The following COMMD7 variants were observed in gnomAD, a reference collection of about 807,000 sequenced individuals.
COMMD7 encodes the protein COMM domain containing 7, also known as COMM domain-containing protein 7.
Under a neutral mutation model 34.8 loss-of-function variants are expected in COMMD7, and 28 were observed. The ratio of observed to expected loss-of-function variants is 0.80; its 90% CI spans 0.60 to 1.10. The LOEUF is 1.10. Ranked by LOEUF, COMMD7 falls within the 50% of genes least tolerant of loss-of-function variation. The probability of loss-of-function intolerance (pLI) is 0.00; values close to 1 mark genes in which losing one functional copy is unlikely to be tolerated. For synonymous variants in COMMD7, 80 were observed against 86.4 expected (o/e 0.93, Z 0.41); for missense variants, 211 against 241.6 (o/e 0.87, Z 0.84).
intron 3 of COMMD7, among the ~76,000 whole-genome samples, chr20:32,709,934 G>A (rs1984335718): frequency 1.3e-5 from 2 of 150,776 alleles, no homozygotes; most frequent in Admixed American, 6.6e-5. Context: ...GCTGGAGTGC[G>A]GTGGTGTAAT....
intron 1 of COMMD7, among the ~76,000 whole-genome samples, chr20:32,736,497 C>A (rs6058848): frequency 2.3e-3 from 346 of 151,898 alleles, no homozygotes; most frequent in African/African-American, 7.7e-3. Flanking sequence ...GGTGAAACCC[C>A]GTCTCTACTA....
intron 3 of COMMD7, among the ~76,000 whole-genome samples, chr20:32,714,648 A>AC (rs1984663325): frequency 6.8e-6 from 1 of 147,236 alleles, no homozygotes; most frequent in African/African-American, 2.5e-5. Context: ...ATACGGTGAA[A>AC]CCTCGTCTCT....
At chr20:32,704,581 T>G in intron 6 of COMMD7, 92 bp from the exon 7 acceptor site, 1 of 1,391,702 alleles carries the variant, frequency 7.2e-7, no homozygotes, top group Non-Finnish European at 9.9e-7. Context: ...TTTGCAGCTG[T>G]CCAGCAGAAG....
At chr20:32,707,006 G>C (rs1482341720) in intron 3 of COMMD7, among the ~76,000 whole-genome samples, 1 of 151,212 alleles carries the variant, frequency 6.6e-6, no homozygotes, top group East Asian at 2.0e-4. Context: ...GGGCACGGTA[G>C]CTCAAGCCTG....
chr20:32,714,296 T>C (rs964498260), intron 3 of COMMD7, among the ~76,000 whole-genome samples: 1 of 152,060 alleles, frequency 6.6e-6, no homozygotes, highest in Admixed American at 6.6e-5. Context: ...AAAGAACTCG[T>C]TGGGGAGTGG....
chr20:32,735,181 TGA>T lies in COMMD7; in HGVS notation c.85-7041_85-7040del, dbSNP rs537897502. On this transcript the variant is annotated intron_variant, in intron 1 of 8. Coordinates refer to ENST00000278980, the MANE Select transcript of COMMD7 (RefSeq NM_053041.3). ...TGAACCCGGGAGGCAGAGGTTGCAGTGAGCCAAGATTGCGCCATTGCACTCCA... is the reference window on the plus strand; with the variant it reads ...TGAACCCGGGAGGCAGAGGTTGCAGTGCCAAGATTGCGCCATTGCACTCCA... 2.5e-3 allele frequency among the ~76,000 whole-genome samples: 380 copies of T among 150,602 alleles called. 3 individuals are homozygous for T. The highest frequency in any genetic ancestry group is 8.7e-3 in the African/African-American group (359 of 41,062).
chr20:32,737,512 T>TA (rs1227065911), intron 1 of COMMD7, among the ~76,000 whole-genome samples: 6 of 151,362 alleles, frequency 4.0e-5, no homozygotes, highest in Middle Eastern at 3.4e-3. Context: ...GTCTCAAATT[T>TA]AAAAAAACGA....
At chr20:32,741,572 G>A (rs1230917927) in intron 1 of COMMD7, among the ~76,000 whole-genome samples, 4 of 152,080 alleles carry the variant, frequency 2.6e-5, no homozygotes, top group African/African-American at 7.2e-5. Context: ...TGTATTTTTA[G>A]TAGAGACAGG....
intron 1 of COMMD7, 82 bp downstream of exon 1, chr20:32,743,226 A>AC: frequency 6.1e-6 from 4 of 653,790 alleles, no homozygotes; most frequent in Admixed American, 3.2e-5. Flanking sequence ...ACTCCCGCGC[A>AC]CCCCCGGACG....
At chr20:32,709,068 C>A (rs1984266668) in intron 3 of COMMD7, among the ~76,000 whole-genome samples, 1 of 152,158 alleles carries the variant, frequency 6.6e-6, no homozygotes, top group Non-Finnish European at 1.5e-5. Context: ...AGAATTCACC[C>A]AACCAAGCTG....
chr20:32,704,201 C>G, intron 7 of COMMD7, 130 bp from the exon 8 acceptor site: 1 of 840,822 alleles, frequency 1.2e-6, no homozygotes, highest in Non-Finnish European at 1.8e-6. Flanking sequence ...CATCCACCAC[C>G]GAAAATTCTA....
chr20:32,717,483 G>A (rs971104848), intron 3 of COMMD7, among the ~76,000 whole-genome samples: 8 of 151,942 alleles, frequency 5.3e-5, no homozygotes, highest in African/African-American at 1.7e-4. Context: ...GTGCCACCAC[G>A]CCCAGTTCAT....
At position 32,743,151 on chromosome 20, in the gene COMMD7, T is replaced by A. The variant is rs1225665625; in HGVS notation, c.84+157A>T. Among the ~76,000 whole-genome samples the A allele has an allele frequency of 2.0e-5, 3 of 151,732 alleles. No homozygotes were observed. In the East Asian group the frequency reaches 5.8e-4, roughly 30 times the overall value. On this transcript the variant is annotated intron_variant, in intron 1 of 8. Transcript: ENST00000278980. Reference sequence around the variant, plus strand: ...CCTCAGACCCCAGCTCACCTTAGCCTCGCCCCGAACCCACCTCACACACCC... The same window carrying A: ...CCTCAGACCCCAGCTCACCTTAGCCACGCCCCGAACCCACCTCACACACCC...
At chr20:32,718,564 C>T (rs1208959291) in intron 3 of COMMD7, among the ~76,000 whole-genome samples, 1 of 151,346 alleles carries the variant, frequency 6.6e-6, no homozygotes, top group East Asian at 2.0e-4. Flanking sequence ...CTGGGCGTGA[C>T]GGCATGGGCC....
In COMMD7 at chr20:32,703,392, C is replaced by G; in HGVS notation, c.593G>C (p.Cys198Ser). 4.3e-6 allele frequency: 7 copies of G among 1,613,942 alleles called. No homozygotes were observed. Among genetic ancestry groups the G allele is most frequent in the African/African-American group, 1.3e-5 (1 of 75,018 alleles). Residue 198 changes from cysteine (C) to serine (S), a missense_variant, in exon 9 of 9, where the codon TGT (cysteine) becomes TCT (serine). Physicochemically the swap from Cys to Ser is moderately radical, Grantham distance 112. Coordinates refer to ENST00000278980, the MANE Select transcript of COMMD7 (RefSeq NM_053041.3). Reference sequence around the variant, plus strand: ...ATGCAGGGACAGAAATCAGCAGAAACACTCCATGCTGGTTCTGACTCGCTC... The same window carrying G: ...ATGCAGGGACAGAAATCAGCAGAAAGACTCCATGCTGGTTCTGACTCGCTC... ...EMERVRTSME[C>S]FC
chr20:32,728,118 G>A lies in COMMD7; in HGVS notation c.109C>T (p.Leu37Phe). 1 of 1,614,104 alleles carries A rather than the reference G, an allele frequency of 6.2e-7. No individual in the cohort carries two copies. Among genetic ancestry groups the A allele is most frequent in the Non-Finnish European group, 8.5e-7 (1 of 1,180,038 alleles). ...AQQFSALTEV[L>F]FHFLTEPKEV... ...TTTGGCTCAGTTAGGAAGTGGAAAA[G>A]CACCTCTGTCAGGGCTGAGAACTGC... Residue 37 changes from leucine to phenylalanine, a missense_variant, in exon 2 of 9, where the codon CTT (leucine) becomes TTT (phenylalanine). Leu to Phe is a conservative substitution (Grantham distance 22, BLOSUM62 0). Transcript: ENST00000278980.
chr20:32,712,269 C>CAAAAAA (rs56096713), intron 3 of COMMD7, among the ~76,000 whole-genome samples: 22 of 71,842 alleles, frequency 3.1e-4, no homozygotes, highest in South Asian at 6.2e-4. Flanking sequence ...GACTCCGTCT[C>CAAAAAA]AAAAAAAAAA....
rs187850715 is a variant in COMMD7, at chr20:32,739,776, G to T, written c.84+3532C>A. On this transcript the variant is annotated intron_variant, in intron 1 of 8. Coordinates refer to ENST00000278980, the MANE Select transcript of COMMD7 (RefSeq NM_053041.3). ...CTCACTCCTGTAATCCCAGCACTTTGGGGGGCCAAGGTGGGTGGATCACTT... is the reference window on the plus strand; with the variant it reads ...CTCACTCCTGTAATCCCAGCACTTTTGGGGGCCAAGGTGGGTGGATCACTT... 4.9e-3 allele frequency among the ~76,000 whole-genome samples: 691 copies of T among 141,898 alleles called. 95 individuals carry two copies. The highest frequency in any genetic ancestry group is 0.028 in the Middle Eastern group (8 of 282). 93.1% of individuals were successfully genotyped at this position (141,898 alleles called of 152,430 possible).
chr20:32,728,636 G>A (rs964840637), intron 1 of COMMD7, among the ~76,000 whole-genome samples: 3 of 151,628 alleles, frequency 2.0e-5, no homozygotes, highest in Admixed American at 2.0e-4. Context: ...ATGCAATCTC[G>A]GCTCACTGCA....
Sources: allele counts gnomAD v4.1 joint callset (sites outside exome capture counted in the v4.1 genomes callset), GRCh38; gene constraint gnomAD v4.1.1; transcripts MANE v1.5; gene names NCBI Gene and HGNC (gene_info 2026-07-23, HGNC 2026-07-21).